Variants in HMGCLL1 observed in about 807,000 individuals in gnomAD.
HMGCLL1 encodes 3-hydroxy-3-methylglutaryl-CoA lyase like 1.
Under a neutral mutation model 39.1 loss-of-function variants are expected in HMGCLL1, and 36 were observed. The observed-to-expected ratio is 0.92, with a 90% CI of 0.71 to 1.22. HMGCLL1 has a LOEUF of 1.22. HMGCLL1 is among the 50% of genes most tolerant of loss of function. The probability of loss-of-function intolerance (pLI) is 0.00; values close to 1 mark genes in which losing one functional copy is unlikely to be tolerated. For missense variants in HMGCLL1, 451 were observed against 416.5 expected (o/e 1.08, Z -0.72); for synonymous variants, 149 against 144.0 (o/e 1.03, Z -0.25).
the HMGCLL1 span, among the ~76,000 whole-genome samples, chr6:55,628,464 G>C: frequency 6.6e-6 from 1 of 150,866 alleles, no homozygotes; most frequent in Non-Finnish European, 1.5e-5. Context: ...CACCACACCT[G>C]GCTAATTTTT....
chr6:55,444,995 C>T (rs764328676), intron 7 of HMGCLL1, among the ~76,000 whole-genome samples: 15 of 151,932 alleles, frequency 9.9e-5, no homozygotes, highest in Non-Finnish European at 1.8e-4. Flanking sequence ...TTTCAGTAAG[C>T]TCTATTCACA....
At chr6:55,574,638 A>T (rs1170127321) in intron 1 of HMGCLL1, among the ~76,000 whole-genome samples, 1 of 151,996 alleles carries the variant, frequency 6.6e-6, no homozygotes, top group Non-Finnish European at 1.5e-5. Flanking sequence ...TAAAGAATAC[A>T]TGAGACAAAT....
intron 3 of HMGCLL1, among the ~76,000 whole-genome samples, chr6:55,535,489 A>T (rs973073639): frequency 3.3e-5 from 5 of 152,204 alleles, no homozygotes; most frequent in African/African-American, 1.2e-4. Flanking sequence ...GAGTTGGGTC[A>T]TAATATGGTT....
chr6:55,615,071 T>C, the HMGCLL1 span, among the ~76,000 whole-genome samples: 2 of 152,120 alleles, frequency 1.3e-5, no homozygotes, highest in Non-Finnish European at 2.9e-5. Context: ...TGTTGCCATT[T>C]ACCAAATACA....
chr6:55,463,191 G>A (rs565104948), intron 7 of HMGCLL1, among the ~76,000 whole-genome samples: 45 of 151,784 alleles, frequency 3.0e-4, no homozygotes, highest in Non-Finnish European at 3.7e-4. Context: ...CACCATGCCT[G>A]GCTAATTTTT....
At chr6:55,539,427 G>A (rs752590013) in intron 3 of HMGCLL1, among the ~76,000 whole-genome samples, 5 of 151,994 alleles carry the variant, frequency 3.3e-5, no homozygotes, top group Non-Finnish European at 7.4e-5. Context: ...CAGTAAAGAC[G>A]TGTAATCAAC....
At chr6:55,615,616 A>C in the HMGCLL1 span, among the ~76,000 whole-genome samples, 1 of 152,178 alleles carries the variant, frequency 6.6e-6, no homozygotes, top group African/African-American at 2.4e-5. Flanking sequence ...AATATATAGC[A>C]TTTGAAATTT....
chr6:55,442,388 A>C (rs966644881), intron 7 of HMGCLL1, among the ~76,000 whole-genome samples: 1 of 152,132 alleles, frequency 6.6e-6, no homozygotes, highest in East Asian at 1.9e-4. Context: ...TTTGGGTTAT[A>C]ACGTAATACC....
intron 7 of HMGCLL1, among the ~76,000 whole-genome samples, chr6:55,477,214 TATTATAATATATAATATATATTATA>T (rs1261519190): frequency 3.9e-4 from 7 of 18,134 alleles, no homozygotes; most frequent in African/African-American, 8.8e-4. Context: ...ATATATATTA[TATTATAATATATAATATATATTATA>T]TTTATATAAT....
At chr6:55,574,698 A>T (rs1771679574) in intron 1 of HMGCLL1, among the ~76,000 whole-genome samples, 1 of 151,978 alleles carries the variant, frequency 6.6e-6, no homozygotes, top group Non-Finnish European at 1.5e-5. Flanking sequence ...TTCCTCCTCA[A>T]TCATCCTAAA....
chr6:55,467,226 C>G (rs545055152), intron 7 of HMGCLL1, among the ~76,000 whole-genome samples: 1 of 152,074 alleles, frequency 6.6e-6, no homozygotes, highest in Non-Finnish European at 1.5e-5. Flanking sequence ...CTTTAAGACA[C>G]GTGTAAAAAC....
intron 7 of HMGCLL1, among the ~76,000 whole-genome samples, chr6:55,469,723 A>T (rs1764964078): frequency 6.6e-6 from 1 of 151,660 alleles, no homozygotes; most frequent in Non-Finnish European, 1.5e-5. Flanking sequence ...TCAAGTGTAA[A>T]CAAAGAATCC....
chr6:55,647,807 T>C, the HMGCLL1 span, among the ~76,000 whole-genome samples: 1 of 129,866 alleles, frequency 7.7e-6, no homozygotes, highest in Middle Eastern at 3.7e-3. Context: ...TTAGGGTACA[T>C]GTGCACATTG....
At chr6:55,550,794 T>A (rs1342661434) in intron 1 of HMGCLL1, among the ~76,000 whole-genome samples, 1 of 151,680 alleles carries the variant, frequency 6.6e-6, no homozygotes, top group African/African-American at 2.4e-5. Context: ...CGGCAATGTC[T>A]GGAGAAATTT....
intron 5 of HMGCLL1, among the ~76,000 whole-genome samples, chr6:55,510,736 A>G (rs1018584668): frequency 6.6e-6 from 1 of 151,370 alleles, no homozygotes; most frequent in Non-Finnish European, 1.5e-5. Context: ...GCACATGTAT[A>G]CATATGTAAC....
intron 3 of HMGCLL1, among the ~76,000 whole-genome samples, chr6:55,520,124 G>C (rs1031044255): frequency 6.6e-6 from 1 of 150,544 alleles, no homozygotes; most frequent in African/African-American, 2.4e-5. Flanking sequence ...GGGAGGGATA[G>C]CATTAGGAGA....
At chr6:55,518,759 G>C (rs1225305501) in intron 3 of HMGCLL1, among the ~76,000 whole-genome samples, 4 of 152,098 alleles carry the variant, frequency 2.6e-5, no homozygotes, top group Non-Finnish European at 4.4e-5. Context: ...CCCTAAATTT[G>C]TGATTGAAGT....
At chr6:55,618,692 A>T in the HMGCLL1 span, among the ~76,000 whole-genome samples, 1 of 152,114 alleles carries the variant, frequency 6.6e-6, no homozygotes, top group Admixed American at 6.6e-5. Flanking sequence ...TATGCAAAGT[A>T]TCTGCAGTAA....
intron 7 of HMGCLL1, among the ~76,000 whole-genome samples, chr6:55,476,062 TA>T (rs1452387267): frequency 3.3e-5 from 5 of 150,664 alleles, no homozygotes; most frequent in Non-Finnish European, 1.5e-5. Flanking sequence ...TTGGCTATTG[TA>T]GGCCATTTGC....
Sources: gnomAD v4.1 joint callset for allele counts (sites outside exome capture counted in the v4.1 genomes callset) on GRCh38, gnomAD v4.1.1 for gene constraint, MANE v1.5 for transcripts, NCBI Gene and HGNC (gene_info 2026-07-23, HGNC 2026-07-21) for gene names.